Variants in SLC44A1 observed in about 807,000 individuals in gnomAD.
SLC44A1 encodes the protein choline transporter-like protein 1.
In SLC44A1, 26 loss-of-function variants were observed where a neutral mutation model predicts 79.3. That is an observed-to-expected ratio of 0.33 (90% CI 0.24 to 0.46). The LOEUF (loss-of-function observed/expected upper bound fraction) is 0.46. Among genes scored for constraint, SLC44A1 ranks in the 20% least tolerant of loss-of-function variants. SLC44A1 has a pLI of 1.00. For synonymous variants in SLC44A1, 263 were observed against 286.2 expected (o/e 0.92, Z 0.82); for missense variants, 688 against 798.1 (o/e 0.86, Z 1.66).
chr9:105,255,738 A>G (rs1013878570), intron 1 of SLC44A1, among the ~76,000 whole-genome samples: 1 of 152,204 alleles, frequency 6.6e-6, no homozygotes, highest in Non-Finnish European at 1.5e-5. Context: ...TGGGCTCTAT[A>G]GCCAGACTAT....
rs551783596 is a variant in SLC44A1, at chr9:105,302,672, T to C, written c.126+3363T>C. ...CAGCCTAGAATTAGCTGGGATCTTTTCTAAAAAAAAAAAAAAAACCTAATT... is the reference window on the plus strand; with the variant it reads ...CAGCCTAGAATTAGCTGGGATCTTTCCTAAAAAAAAAAAAAAAACCTAATT... On this transcript the variant is annotated intron_variant, in intron 2 of 15. Coordinates refer to ENST00000374720, the MANE Select transcript of SLC44A1 (RefSeq NM_080546.5). Among the ~76,000 whole-genome samples, 617 of 147,756 alleles carry C rather than the reference T, an allele frequency of 4.2e-3. 9 individuals are homozygous for C. The highest frequency in any genetic ancestry group is 0.015 in the African/African-American group (590 of 38,264).
intron 12 of SLC44A1, among the ~76,000 whole-genome samples, chr9:105,372,057 G>T (rs1052029173): frequency 2.0e-5 from 3 of 152,198 alleles, no homozygotes; most frequent in Non-Finnish European, 4.4e-5. Context: ...ACTGTGTGGT[G>T]CCTGCTATCT....
intron 2 of SLC44A1, among the ~76,000 whole-genome samples, chr9:105,304,028 T>G (rs1180572915): frequency 6.6e-6 from 1 of 151,920 alleles, no homozygotes; most frequent in Admixed American, 6.6e-5. Context: ...AGAAAATGAG[T>G]TGTGGACATG....
chr9:105,284,415 GC>G (rs1830429110), intron 1 of SLC44A1, among the ~76,000 whole-genome samples: 1 of 151,882 alleles, frequency 6.6e-6, no homozygotes, highest in South Asian at 2.1e-4. Flanking sequence ...GTCTGGTTTT[GC>G]CTTGTCACGT....
Position 105,383,373 on chromosome 9 carries a change from A to G in SLC44A1, c.1869+14A>G, listed in dbSNP as rs1828536510. The stretch of plus-strand genomic sequence containing the variant: ...AAAGTGCTGATGGTAAGTACTTCAA[A>G]TGCCGTTTCCTATTTTAGGGATAAA... On this transcript the variant is annotated intron_variant, in intron 14 of 15. Transcript: ENST00000374720. 7.1e-7 allele frequency: 1 copy of G among 1,399,710 alleles called. No homozygotes were observed. Among genetic ancestry groups the G allele is most frequent in the South Asian group, 1.2e-5 (1 of 86,438 alleles). The allele number at this position is 1,399,710 out of a possible 1,614,324, so 86.7% of individuals were successfully genotyped here. A position where few individuals can be genotyped will look rare whatever the true frequency, so the allele number is the denominator to read the frequency against.
At chr9:105,387,212 A>T (rs1751749968) in intron 15 of SLC44A1, among the ~76,000 whole-genome samples, 2 of 151,462 alleles carry the variant, frequency 1.3e-5, no homozygotes, top group Admixed American at 1.3e-4. Flanking sequence ...TTAGATATAA[A>T]ACCTTTCCTC....
intron 1 of SLC44A1, among the ~76,000 whole-genome samples, chr9:105,255,770 T>C (rs1268893683): frequency 6.6e-6 from 1 of 152,206 alleles, no homozygotes; most frequent in African/African-American, 2.4e-5. Flanking sequence ...TCCCACCTTA[T>C]CACTAGTTGA....
chr9:105,366,362 G>T lies in SLC44A1; in HGVS notation c.1427G>T (p.Arg476Leu). The change falls in exon 12 of 16, where the codon CGA (arginine) becomes CTA (leucine). Residue 476 changes from arginine (R) to leucine (L), a missense_variant. Physicochemically the swap from Arg to Leu is moderately radical, Grantham distance 102 (BLOSUM62 -2). Coordinates refer to ENST00000374720, the MANE Select transcript of SLC44A1 (RefSeq NM_080546.5). ...CCCATCCAGGAAAATGCTTGTGCAC[G>T]ATGTGTGCTGAAATCTTGCATTTGT... ...QLKGKENACARCVLKSCICCL... is the reference protein window; with the variant it reads ...QLKGKENACALCVLKSCICCL... 1 of 1,510,928 alleles carries T rather than the reference G, an allele frequency of 6.6e-7. No homozygotes were observed. The highest frequency in any genetic ancestry group is 8.9e-7 in the Non-Finnish European group (1 of 1,129,680). 93.6% of individuals were successfully genotyped at this position (1,510,928 alleles called of 1,614,324 possible).
Position 105,389,848 on chromosome 9 carries a change from G to A in SLC44A1, c.*792G>A, listed in dbSNP as rs539016304. 1.6e-4 allele frequency: 235 copies of A among 1,446,504 alleles called. 1 individual carries two copies. In the South Asian group the frequency reaches 3.2e-3, roughly 19 times the overall value. The allele number at this position is 1,446,504 out of a possible 1,614,324, so 89.6% of individuals were successfully genotyped here. A position where few individuals can be genotyped will look rare whatever the true frequency, so the allele number is the denominator to read the frequency against. ...ACACATTTGTGTGCCTGATTTGAAA[G>A]GAAGCTGGGGCACCCAGCGAGTTTA... On this transcript the variant is annotated 3_prime_UTR_variant, in exon 16 of 16. Coordinates refer to ENST00000374720, the MANE Select transcript of SLC44A1 (RefSeq NM_080546.5).
chr9:105,389,249 A>G lies in SLC44A1; in HGVS notation c.*193A>G, dbSNP rs1041632012. On this transcript the variant is annotated 3_prime_UTR_variant, in exon 16 of 16. Transcript: ENST00000374720. The stretch of plus-strand genomic sequence containing the variant: ...GGGATTTAATACCTTTTTTATGCTT[A>G]TTTTTGTCAAACATGTACTCCTTTC... 4 of 1,265,496 alleles carry G rather than the reference A, an allele frequency of 3.2e-6. No individual in the cohort carries two copies. The highest frequency in any genetic ancestry group is 2.0e-6 in the Non-Finnish European group (2 of 1,001,542). 78.4% of individuals were successfully genotyped at this position (1,265,496 alleles called of 1,614,324 possible).
intron 3 of SLC44A1, among the ~76,000 whole-genome samples, chr9:105,327,009 T>A (rs1826599331): frequency 6.6e-6 from 1 of 152,254 alleles, no homozygotes; most frequent in African/African-American, 2.4e-5. Flanking sequence ...CAGAATGTCC[T>A]AACCGTTTAG....
chr9:105,281,256 G>T (rs2131253393), intron 1 of SLC44A1, among the ~76,000 whole-genome samples: 1 of 152,292 alleles, frequency 6.6e-6, no homozygotes, highest in Non-Finnish European at 1.5e-5. Context: ...CTAGGCAAAT[G>T]CTCTGGACCA....
At chr9:105,263,164 C>G (rs1355781635) in intron 1 of SLC44A1, among the ~76,000 whole-genome samples, 2 of 152,178 alleles carry the variant, frequency 1.3e-5, no homozygotes, top group African/African-American at 4.8e-5. Context: ...GTCACATACT[C>G]TACGTGGATT....
At chr9:105,355,696 C>A (rs1275186736) in intron 5 of SLC44A1, among the ~76,000 whole-genome samples, 1 of 152,120 alleles carries the variant, frequency 6.6e-6, no homozygotes, top group Admixed American at 6.5e-5. Flanking sequence ...GCTGTAAACA[C>A]CTTTATTAAT....
intron 1 of SLC44A1, among the ~76,000 whole-genome samples, chr9:105,265,239 C>T (rs901837895): frequency 1.3e-5 from 2 of 152,184 alleles, no homozygotes; most frequent in African/African-American, 4.8e-5. Context: ...GAGCCACCAC[C>T]ACCAGTAGCA....
chr9:105,268,489 G>C (rs1042432506), intron 1 of SLC44A1, among the ~76,000 whole-genome samples: 6 of 152,022 alleles, frequency 3.9e-5, no homozygotes, highest in African/African-American at 1.4e-4. Flanking sequence ...TCATTGATCT[G>C]AGTTCTATTT....
chr9:105,378,410 T>C (rs1024047723), intron 13 of SLC44A1, among the ~76,000 whole-genome samples: 11 of 152,218 alleles, frequency 7.2e-5, no homozygotes, highest in Non-Finnish European at 1.2e-4. Context: ...TTTCTGTTTT[T>C]TACAGTTGAG....
chr9:105,339,452 C>G (rs1827021562), intron 4 of SLC44A1, among the ~76,000 whole-genome samples: 1 of 152,176 alleles, frequency 6.6e-6, no homozygotes. Context: ...GATATTTGCA[C>G]AATCATGTTC....
At position 105,390,605 on chromosome 9, in the gene SLC44A1, C is replaced by G. The variant is rs1828741975; in HGVS notation, c.*1549C>G. 1 of 985,630 alleles carries G rather than the reference C, an allele frequency of 1.0e-6. No individual in the cohort carries two copies. Among genetic ancestry groups the G allele is most frequent in the South Asian group, 4.7e-5 (1 of 21,282 alleles). The allele number at this position is 985,630 out of a possible 1,614,324, so 61.1% of individuals were successfully genotyped here. ...AAGCAGCCGTTTGCTAATGTGCTTCCTTTCAAAGGGTTGGACCTTTAAATT... is the reference window on the plus strand; with the variant it reads ...AAGCAGCCGTTTGCTAATGTGCTTCGTTTCAAAGGGTTGGACCTTTAAATT... On this transcript the variant is annotated 3_prime_UTR_variant, in exon 16 of 16. Transcript: ENST00000374720.
Sources: allele counts gnomAD v4.1 joint callset (sites outside exome capture counted in the v4.1 genomes callset), GRCh38; gene constraint gnomAD v4.1.1; transcripts MANE v1.5; gene names NCBI Gene and HGNC (gene_info 2026-07-23, HGNC 2026-07-21).